The following CAPS2 variants were observed in gnomAD, a reference collection of about 807,000 sequenced individuals.
CAPS2 encodes calcyphosin-2.
Under a neutral mutation model 86.5 loss-of-function variants are expected in CAPS2, and 98 were observed. That is an observed-to-expected ratio of 1.13 (90% CI 0.96 to 1.34). CAPS2 has a LOEUF of 1.34. Ranked by LOEUF, CAPS2 falls within the 40% of genes most tolerant of loss-of-function variation. The pLI, the probability that CAPS2 is intolerant of heterozygous loss-of-function variation, is 0.00. For synonymous variants in CAPS2, 210 were observed against 225.1 expected, an observed-to-expected ratio of 0.93 and a Z score of 0.60; for missense variants, 729 against 686.8, an observed-to-expected ratio of 1.06 and a Z score of -0.69.
chr12:75,328,031 T>C (rs565229553), upstream of CAPS2, among the ~76,000 whole-genome samples: 14 of 152,054 alleles, frequency 9.2e-5, no homozygotes, highest in Non-Finnish European at 1.8e-4. Flanking sequence ...AGGAGACTTA[T>C]CAACCAATAG....
chr12:75,358,329 C>T (rs953342580), intron 1 of CAPS2, among the ~76,000 whole-genome samples: 10 of 151,648 alleles, frequency 6.6e-5, no homozygotes, highest in Non-Finnish European at 1.5e-4. Context: ...AAAATCTAAA[C>T]AAAATTTAGC....
At chr12:75,343,934 C>G (rs914772843) in intron 1 of CAPS2, 2 of 1,604,542 alleles carry the variant, frequency 1.2e-6, no homozygotes, top group African/African-American at 2.7e-5. Context: ...GGCCATTATA[C>G]ACAGGTAAAT....
intron 1 of CAPS2, among the ~76,000 whole-genome samples, chr12:75,377,877 C>CTA (rs1189267509): frequency 3.4e-5 from 5 of 145,120 alleles, no homozygotes; most frequent in Admixed American, 1.4e-4. Flanking sequence ...GTGTGTGTGT[C>CTA]TATATATATA....
intron 1 of CAPS2, among the ~76,000 whole-genome samples, chr12:75,377,469 C>G (rs972517824): frequency 2.0e-5 from 3 of 152,156 alleles, no homozygotes; most frequent in Non-Finnish European, 4.4e-5. Flanking sequence ...AGTCAGGAAG[C>G]CCACAATGCA....
chr12:75,304,785 A>T (rs1204117161), exon 8 of CAPS2: 1 of 1,602,570 alleles, frequency 6.2e-7, no homozygotes, highest in Non-Finnish European at 8.5e-7. Context: ...CTTTTTCTAA[A>T]TCGAAGAGGT....
chr12:75,287,405 A>G (rs1371514797), intron 14 of CAPS2, among the ~76,000 whole-genome samples: 2 of 151,888 alleles, frequency 1.3e-5, no homozygotes, highest in Non-Finnish European at 2.9e-5. Context: ...TCCTGCCCCC[A>G]CCATGGAGGA....
intron 1 of CAPS2, among the ~76,000 whole-genome samples, chr12:75,345,397 T>C (rs1175553828): frequency 6.6e-6 from 1 of 152,142 alleles, no homozygotes; most frequent in African/African-American, 2.4e-5. Flanking sequence ...AATTCACCTT[T>C]TGGGCCATAC....
intron 1 of CAPS2, among the ~76,000 whole-genome samples, chr12:75,351,059 T>G (rs1450816376): frequency 6.6e-6 from 1 of 152,054 alleles, no homozygotes; most frequent in Non-Finnish European, 1.5e-5. Context: ...CAATCACAAG[T>G]ATCAATATCC....
chr12:75,333,986 G>A (rs914805570), upstream of CAPS2: 2 of 152,140 alleles, frequency 1.3e-5, no homozygotes, highest in African/African-American at 4.8e-5. Flanking sequence ...GTCCATCCCA[G>A]TCTCAGTGTA....
intron 1 of CAPS2, chr12:75,390,396 A>G (rs2045525099): frequency 2.2e-6 from 1 of 456,184 alleles, no homozygotes; most frequent in Non-Finnish European, 4.4e-6. Context: ...TGAGAGAAGA[A>G]GTAGAAATGT....
At chr12:75,291,574 T>C (rs1565793640) in intron 13 of CAPS2, among the ~76,000 whole-genome samples, 170 bp downstream of exon 13, 1 of 41,540 alleles carries the variant, frequency 2.4e-5, no homozygotes, top group Non-Finnish European at 5.3e-5. Context: ...AAAGTATATA[T>C]ATATATATAT....
intron 8 of CAPS2, among the ~76,000 whole-genome samples, chr12:75,300,374 T>C (rs977429798): frequency 9.9e-5 from 15 of 151,360 alleles, no homozygotes; most frequent in African/African-American, 3.6e-4. Context: ...GCTAACACGG[T>C]GAAACCCCAT....
chr12:75,316,564 G>T, intron 5 of CAPS2, 130 bp from the exon 6 acceptor site: 1 of 857,206 alleles, frequency 1.2e-6, no homozygotes, highest in Non-Finnish European at 1.6e-6. Context: ...TACAGGCTCT[G>T]AAAATCAGAT....
chr12:75,374,608 G>A (rs2044553089), intron 1 of CAPS2, among the ~76,000 whole-genome samples: 2 of 152,164 alleles, frequency 1.3e-5, no homozygotes, highest in Admixed American at 1.3e-4. Context: ...TGTTATCAAT[G>A]TAAGGGGCCA....
At chr12:75,376,425 T>C (rs2044652409) in intron 1 of CAPS2, among the ~76,000 whole-genome samples, 1 of 152,190 alleles carries the variant, frequency 6.6e-6, no homozygotes, top group African/African-American at 2.4e-5. Flanking sequence ...ACCCTGAACC[T>C]TACCTCTAGG....
At chr12:75,289,659 G>C in exon 14 of CAPS2, 1 of 1,613,102 alleles carries the variant, frequency 6.2e-7, no homozygotes, top group East Asian at 2.2e-5. Context: ...TTTAGAGCTT[G>C]CTTAAAATCT....
intron 1 of CAPS2, among the ~76,000 whole-genome samples, chr12:75,336,847 C>A (rs1430532673): frequency 1.3e-5 from 2 of 151,628 alleles, no homozygotes; most frequent in Non-Finnish European, 3.0e-5. Context: ...TCATTACATT[C>A]ATCAATATAA....
chr12:75,316,303 A>G lies in CAPS2; in HGVS notation c.591+9T>C, dbSNP rs1209474014. ...GCTCACCAAATAAGTAAAAATGCTG[A>G]CAACTTACTGCATCCAATTTTCTTG... On this transcript the variant is annotated intron_variant, in intron 6 of 16. Transcript: ENST00000393284. The G allele has an allele frequency of 1.3e-6, 2 of 1,550,232 alleles. No individual in the cohort carries two copies. Among genetic ancestry groups the G allele is most frequent in the Non-Finnish European group, 1.7e-6 (2 of 1,146,104 alleles).
chr12:75,311,895 G>A (rs1377451760), intron 7 of CAPS2, among the ~76,000 whole-genome samples: 2 of 152,022 alleles, frequency 1.3e-5, no homozygotes, highest in Non-Finnish European at 2.9e-5. Flanking sequence ...AAAACACTAA[G>A]TTCATGAGAC....
Sources: gnomAD v4.1 joint callset for allele counts (sites outside exome capture counted in the v4.1 genomes callset) on GRCh38, gnomAD v4.1.1 for gene constraint, MANE v1.5 for transcripts, NCBI Gene and HGNC (gene_info 2026-07-23, HGNC 2026-07-21) for gene names.